Variants in PDE4B observed in about 807,000 individuals in gnomAD.
PDE4B encodes the protein phosphodiesterase 4B, also known as 3',5'-cyclic-AMP phosphodiesterase 4B.
Under a neutral mutation model 82.2 loss-of-function variants are expected in PDE4B, and 20 were observed. The ratio of observed to expected loss-of-function variants is 0.24; its 90% CI spans 0.17 to 0.35. The LOEUF is 0.35. PDE4B is among the 10% of genes least tolerant of loss of function. PDE4B has a pLI of 1.00. For synonymous variants in PDE4B, 320 were observed against 318.9 expected, an observed-to-expected ratio of 1.00 and a Z score of -0.04; for missense variants, 655 against 907.2, an observed-to-expected ratio of 0.72 and a Z score of 3.57.
At chr1:65,820,745 TAATA>T (rs1645942951) in intron 1 of PDE4B, among the ~76,000 whole-genome samples, 1 of 152,220 alleles carries the variant, frequency 6.6e-6, no homozygotes, top group African/African-American at 2.4e-5. Flanking sequence ...ACATTTTATT[TAATA>T]AATAATAATG....
At chr1:66,167,615 C>A (rs1047341323) in intron 3 of PDE4B, among the ~76,000 whole-genome samples, 1 of 152,104 alleles carries the variant, frequency 6.6e-6, no homozygotes, top group Non-Finnish European at 1.5e-5. Flanking sequence ...AATTTTACAG[C>A]ATATGAATTG....
intron 3 of PDE4B, among the ~76,000 whole-genome samples, chr1:66,030,641 T>A (rs1046073350): frequency 1.3e-5 from 2 of 152,150 alleles, no homozygotes; most frequent in Non-Finnish European, 2.9e-5. Flanking sequence ...AATAATTATA[T>A]CAAAAGACAT....
intron 3 of PDE4B, among the ~76,000 whole-genome samples, chr1:65,993,508 T>TA (rs1356370617): frequency 1.3e-5 from 2 of 152,124 alleles, no homozygotes; most frequent in South Asian, 2.1e-4. Flanking sequence ...TTAGTGATTT[T>TA]AAAAAAATAA....
chr1:66,146,566 C>T (rs888680974), intron 3 of PDE4B, among the ~76,000 whole-genome samples: 1 of 152,078 alleles, frequency 6.6e-6, no homozygotes, highest in Non-Finnish European at 1.5e-5. Flanking sequence ...TGTTGCACAA[C>T]TCCACTGTTC....
intron 3 of PDE4B, among the ~76,000 whole-genome samples, chr1:66,230,923 C>T (rs1162840655): frequency 1.3e-5 from 2 of 151,616 alleles, no homozygotes; most frequent in African/African-American, 2.4e-5. Context: ...GCATGTGCTA[C>T]TCAGGAGGCT....
intron 3 of PDE4B, among the ~76,000 whole-genome samples, chr1:66,234,891 A>G (rs1213716750): frequency 6.6e-6 from 1 of 151,916 alleles, no homozygotes; most frequent in Non-Finnish European, 1.5e-5. Flanking sequence ...TAATAAAGGT[A>G]TTTTAGAGCT....
At chr1:65,910,933 G>A (rs1557427331) in intron 1 of PDE4B, among the ~76,000 whole-genome samples, 2 of 151,996 alleles carry the variant, frequency 1.3e-5, no homozygotes. Context: ...TATATTTCTT[G>A]CTTTTTTTTT....
intron 3 of PDE4B, among the ~76,000 whole-genome samples, chr1:66,161,608 GTTA>G (rs542017218): frequency 2.0e-5 from 3 of 151,760 alleles, no homozygotes; most frequent in Non-Finnish European, 2.9e-5. Context: ...AACCTATAAG[GTTA>G]TTATTATTAT....
chr1:65,974,273 T>G (rs1184136069), intron 3 of PDE4B, among the ~76,000 whole-genome samples: 1 of 152,200 alleles, frequency 6.6e-6, no homozygotes, highest in Non-Finnish European at 1.5e-5. Flanking sequence ...TATGATGTGA[T>G]CAATGACAAT....
At chr1:66,100,210 C>G (rs937758633) in intron 3 of PDE4B, among the ~76,000 whole-genome samples, 1 of 151,990 alleles carries the variant, frequency 6.6e-6, no homozygotes, top group East Asian at 1.9e-4. Context: ...CGCACCACCA[C>G]GCTGACTAGT....
At chr1:66,368,651 G>A (rs753959527) in intron 15 of PDE4B, 136 bp from the exon 16 acceptor site, 87 of 533,270 alleles carry the variant, frequency 1.6e-4, no homozygotes, top group East Asian at 1.0e-4. Context: ...ATTTTTTTTC[G>A]GTGCATATGT....
chr1:65,834,525 G>T (rs969447009), intron 1 of PDE4B, among the ~76,000 whole-genome samples: 2 of 152,124 alleles, frequency 1.3e-5, no homozygotes, highest in Admixed American at 6.6e-5. Context: ...AATGAGAAAG[G>T]GCGGAAAAAC....
intron 3 of PDE4B, among the ~76,000 whole-genome samples, chr1:65,974,542 A>G (rs1309161637): frequency 1.3e-5 from 2 of 152,172 alleles, no homozygotes; most frequent in Non-Finnish European, 2.9e-5. Flanking sequence ...TATTCATTGC[A>G]GTCTCACAAA....
intron 3 of PDE4B, among the ~76,000 whole-genome samples, chr1:65,933,658 G>A (rs1403176667): frequency 3.3e-5 from 5 of 151,438 alleles, no homozygotes; most frequent in African/African-American, 9.7e-5. Flanking sequence ...GCAACAGGGC[G>A]AGAATCCGTC....
intron 3 of PDE4B, among the ~76,000 whole-genome samples, chr1:66,085,596 A>G (rs1040750452): frequency 7.6e-4 from 115 of 152,206 alleles, no homozygotes; most frequent in African/African-American, 2.5e-3. Context: ...GAGAAGTTTT[A>G]TTTTGGGAGA....
intron 1 of PDE4B, among the ~76,000 whole-genome samples, chr1:65,803,351 T>C (rs747988197): frequency 6.6e-6 from 1 of 152,128 alleles, no homozygotes; most frequent in Non-Finnish European, 1.5e-5. Flanking sequence ...CTCTAAAAGG[T>C]GTTATATAAA....
intron 3 of PDE4B, among the ~76,000 whole-genome samples, chr1:66,229,169 G>C (rs1285613647): frequency 1.1e-5 from 1 of 93,616 alleles, no homozygotes; most frequent in Non-Finnish European, 2.3e-5. Flanking sequence ...CACCATGCCC[G>C]GCTAATTTTT....
intron 1 of PDE4B, among the ~76,000 whole-genome samples, chr1:65,813,847 T>C (rs1645846744): frequency 7.0e-6 from 1 of 142,226 alleles, no homozygotes. Context: ...TGAATTAGAA[T>C]GTAGCTTTGA....
At chr1:66,301,190 A>ATT (rs35693683) in intron 7 of PDE4B, among the ~76,000 whole-genome samples, 7 of 151,740 alleles carry the variant, frequency 4.6e-5, no homozygotes, top group Non-Finnish European at 8.8e-5. Flanking sequence ...AGAGAAGCAG[A>ATT]TTTTTTTCTA....
Sources: gnomAD v4.1 joint callset for allele counts (sites outside exome capture counted in the v4.1 genomes callset) on GRCh38, gnomAD v4.1.1 for gene constraint, MANE v1.5 for transcripts, NCBI Gene and HGNC (gene_info 2026-07-23, HGNC 2026-07-21) for gene names.